Variants in LATS1 observed in about 807,000 individuals in gnomAD.
The protein encoded by LATS1 is serine/threonine-protein kinase LATS1.
In LATS1, 25 loss-of-function variants were observed where a neutral mutation model predicts 106.6. That is an observed-to-expected ratio of 0.23 (90% CI 0.17 to 0.33). LATS1 has a LOEUF of 0.33. Among genes scored for constraint, LATS1 ranks in the 10% least tolerant of loss-of-function variants. The pLI is 1.00. For missense variants in LATS1, 1,040 were observed against 1,382.6 expected, an observed-to-expected ratio of 0.75 and a Z score of 3.93; for synonymous variants, 465 against 455.6, an observed-to-expected ratio of 1.02 and a Z score of -0.26.
intron 5 of LATS1, 47 bp from the exon 6 acceptor site, chr6:149,676,784 A>G: frequency 6.6e-7 from 1 of 1,515,594 alleles, no homozygotes; most frequent in South Asian, 1.2e-5. Context: ...TGACAACAGT[A>G]AACCTGAAGT....
At chr6:149,673,296 C>T (rs1007312955) in intron 7 of LATS1, among the ~76,000 whole-genome samples, 4 of 151,622 alleles carry the variant, frequency 2.6e-5, no homozygotes, top group Non-Finnish European at 4.4e-5. Context: ...GACACGGTTG[C>T]GCCATGTTGC....
At chr6:149,690,462 C>T (rs1465651056) in intron 3 of LATS1, among the ~76,000 whole-genome samples, 1 of 152,044 alleles carries the variant, frequency 6.6e-6, no homozygotes, top group Non-Finnish European at 1.5e-5. Context: ...ATCCACCCGC[C>T]CCAGCCTCCC....
chr6:149,667,995 C>T (rs1342882815), intron 7 of LATS1, among the ~76,000 whole-genome samples: 1 of 152,088 alleles, frequency 6.6e-6, no homozygotes, highest in Non-Finnish European at 1.5e-5. Flanking sequence ...ATCTTGTCTC[C>T]CTACAACCTC....
In LATS1 at chr6:149,683,498, G is replaced by A. The variant is rs55874734; in HGVS notation, c.1591C>T (p.Pro531Ser). ...PQPIQTVQPS[P>S]FPEGTASNVT... The stretch of plus-strand genomic sequence containing the variant: ...TTTGAAGCGGTTCCCTCAGGAAAAG[G>A]ACTGGGTTGAACAGTTTGAATTGGC... Residue 531 changes from proline to serine, a missense_variant, in exon 4 of 8, where the codon CCT (proline) becomes TCT (serine). Physicochemically the swap from Pro to Ser is moderately conservative, Grantham distance 74. Transcript: ENST00000543571. The A allele has an allele frequency of 7.2e-3, 11,603 of 1,614,200 alleles. 61 individuals carry two copies. The highest frequency in any genetic ancestry group is 9.0e-3 in the Non-Finnish European group (10,581 of 1,180,038).
chr6:149,679,700 C>T (rs185270364), intron 5 of LATS1, among the ~76,000 whole-genome samples, 175 bp downstream of exon 5: 1 of 152,238 alleles, frequency 6.6e-6, no homozygotes, highest in East Asian at 1.9e-4. Context: ...CTAGCACATT[C>T]TTTCATTTCA....
rs749340897 is a variant in LATS1, at chr6:149,684,491, A to G, written c.598T>C (p.Tyr200His). Residue 200 changes from tyrosine to histidine, a missense_variant, in exon 4 of 8, where the codon TAT becomes CAT. Transcript: ENST00000543571. ...HGPPLGESVA[Y>H]HSESPNSQTD... ...TGTGAGTTGGGACTCTCAGAATGAT[A>G]GGCCACACTTTCTCCTAGTGGCGGG... 2.5e-6 allele frequency: 4 copies of G among 1,614,128 alleles called. No homozygotes were observed. The Admixed American group carries it at 6.7e-5, about 27-fold the overall frequency.
intron 2 of LATS1, among the ~76,000 whole-genome samples, chr6:149,696,736 T>C (rs544342194): frequency 1.7e-4 from 26 of 152,162 alleles, no homozygotes; most frequent in African/African-American, 5.8e-4. Flanking sequence ...ATACTTAGAC[T>C]ATATATGATT....
chr6:149,696,334 C>T (rs1482364239), intron 2 of LATS1, among the ~76,000 whole-genome samples: 5 of 149,896 alleles, frequency 3.3e-5, no homozygotes, highest in Non-Finnish European at 5.9e-5. Context: ...TCTGGGAGGC[C>T]GAGGCGGATA....
intron 2 of LATS1, among the ~76,000 whole-genome samples, chr6:149,698,153 A>G (rs1207512053): frequency 6.6e-6 from 1 of 152,180 alleles, no homozygotes; most frequent in Non-Finnish European, 1.5e-5. Flanking sequence ...TATAGCTGTA[A>G]AAACATCAAC....
intron 1 of LATS1, among the ~76,000 whole-genome samples, chr6:149,707,653 T>C (rs1337204654): frequency 6.6e-6 from 1 of 152,194 alleles, no homozygotes; most frequent in Non-Finnish European, 1.5e-5. Context: ...TAACAATGTG[T>C]TTTAGGTTTA....
Position 149,695,071 on chromosome 6 carries a change from C to A in LATS1, c.496+3G>T. On this transcript the variant is annotated splice_donor_region_variant and intron_variant, in intron 3 of 7. Transcript: ENST00000543571. ...TGAGAAAATAAAATATTTGATTAAT[C>A]ACCTGGTTTCATGCTGGCATTAATA... 6.3e-7 allele frequency: 1 copy of A among 1,575,890 alleles called. No individual in the cohort carries two copies. The highest frequency in any genetic ancestry group is 8.6e-7 in the Non-Finnish European group (1 of 1,165,804).
chr6:149,712,890 G>C (rs899546252), intron 1 of LATS1, among the ~76,000 whole-genome samples: 3 of 152,094 alleles, frequency 2.0e-5, no homozygotes, highest in African/African-American at 7.2e-5. Context: ...AGCTACTGGA[G>C]AGACTGAGGT....
At position 149,684,093 on chromosome 6, in the gene LATS1, C is replaced by A. The variant is rs137918150; in HGVS notation, c.996G>T (p.Met332Ile). 9 of 1,614,206 alleles carry A rather than the reference C, an allele frequency of 5.6e-6. No individual in the cohort carries two copies. The highest frequency in any genetic ancestry group is 3.3e-5 in the Admixed American group (2 of 60,024). ...GAAAGTTAAATTTGCTAGAACTCTG[C>A]ATGATGATTGGTTGTCTGCCAACAG... ...SVPVGRQPII[M>I]QSSSKFNFPS... Residue 332 changes from methionine to isoleucine, a missense_variant, in exon 4 of 8, where the codon ATG (methionine) becomes ATT (isoleucine). Around this residue, in one of 7 missense-constraint regions of LATS1, gnomAD observed 624 missense variants for 714.8 expected, o/e 0.87. Coordinates refer to ENST00000543571, the MANE Select transcript of LATS1 (RefSeq NM_004690.4).
intron 5 of LATS1, among the ~76,000 whole-genome samples, chr6:149,679,519 T>C (rs1333928252): frequency 7.1e-6 from 1 of 140,260 alleles, no homozygotes; most frequent in Non-Finnish European, 1.5e-5. Flanking sequence ...GCCACTGCAC[T>C]CCAGCCTGGG....
chr6:149,679,786 A>G, intron 5 of LATS1, 89 bp downstream of exon 5: 1 of 983,510 alleles, frequency 1.0e-6, no homozygotes, highest in Non-Finnish European at 1.5e-6. Context: ...TCTGGCTCTC[A>G]TCCAGTGATG....
At chr6:149,666,277 G>A (rs1781142679) in intron 7 of LATS1, among the ~76,000 whole-genome samples, 1 of 151,828 alleles carries the variant, frequency 6.6e-6, no homozygotes, top group African/African-American at 2.4e-5. Flanking sequence ...GAAAAAGTCA[G>A]TATTGATATG....
intron 2 of LATS1, chr6:149,697,133 G>A: frequency 7.4e-7 from 1 of 1,347,736 alleles, no homozygotes; most frequent in Non-Finnish European, 9.8e-7. Flanking sequence ...ATTTTTAAAT[G>A]AGAAATGGCT....
At position 149,660,142 on chromosome 6, in the gene LATS1, C is replaced by T. The variant is rs1022082371; in HGVS notation, c.*1587G>A. On this transcript the variant is annotated 3_prime_UTR_variant, in exon 8 of 8. Coordinates refer to ENST00000543571, the MANE Select transcript of LATS1 (RefSeq NM_004690.4). ...CAAAATCCCTTGAAACTGCATGCAACATTGTATGTGTATGTGTGGTTTTTT... is the reference window on the plus strand; with the variant it reads ...CAAAATCCCTTGAAACTGCATGCAATATTGTATGTGTATGTGTGGTTTTTT... 5.2e-5 allele frequency: 12 copies of T among 232,416 alleles called. No individual in the cohort carries two copies. The highest frequency in any genetic ancestry group is 1.7e-4 in the Admixed American group (3 of 17,758). The allele number at this position is 232,416 out of a possible 1,614,324, so 14.4% of individuals were successfully genotyped here.
At chr6:149,700,708 A>C (rs1410651858) in intron 2 of LATS1, among the ~76,000 whole-genome samples, 2 of 151,068 alleles carry the variant, frequency 1.3e-5, no homozygotes, top group African/African-American at 2.4e-5. Flanking sequence ...TTTCTTCTTT[A>C]CACTTTTAAA....
Sources: gnomAD v4.1 joint callset for allele counts (sites outside exome capture counted in the v4.1 genomes callset) on GRCh38, gnomAD v4.1.1 for gene constraint, gnomAD v4.1.1 regional missense constraint, MANE v1.5 for transcripts, NCBI Gene and HGNC (gene_info 2026-07-23, HGNC 2026-07-21) for gene names.